Variants in MAST4 observed in about 807,000 individuals in gnomAD.
MAST4 encodes microtubule associated serine/threonine kinase family member 4, also known as microtubule-associated serine/threonine-protein kinase 4.
A neutral mutation model predicts 162.7 loss-of-function variants in MAST4; 89 were observed. That is an observed-to-expected ratio of 0.55 (90% CI 0.46 to 0.65). The LOEUF (loss-of-function observed/expected upper bound fraction) is 0.65, where lower values mean the gene tolerates loss of function less well. MAST4 is among the 30% of genes least tolerant of loss of function. The probability of loss-of-function intolerance (pLI) is 0.00; values close to 1 mark genes in which losing one functional copy is unlikely to be tolerated. For synonymous variants in MAST4, 1,479 were observed against 1,361.1 expected, an observed-to-expected ratio of 1.09 and a Z score of -1.91; for missense variants, 3,153 against 3,374.0, an observed-to-expected ratio of 0.93 and a Z score of 1.62.
intron 1 of MAST4, among the ~76,000 whole-genome samples, chr5:66,733,414 A>T (rs1041031758): frequency 6.6e-6 from 1 of 152,144 alleles, no homozygotes; most frequent in Non-Finnish European, 1.5e-5. Flanking sequence ...ACAGAAATTC[A>T]TCTTATAGAT....
intron 3 of MAST4, among the ~76,000 whole-genome samples, chr5:66,861,989 A>G (rs1760155098): frequency 6.6e-6 from 1 of 152,198 alleles, no homozygotes; most frequent in Non-Finnish European, 1.5e-5. Context: ...GAGAGTTCAG[A>G]TAAATGCTAT....
chr5:67,036,049 A>G (rs1462997579), intron 4 of MAST4, among the ~76,000 whole-genome samples: 1 of 152,048 alleles, frequency 6.6e-6, no homozygotes, highest in African/African-American at 2.4e-5. Flanking sequence ...ATGCTTCCCA[A>G]CATCCATTCC....
In MAST4 at chr5:67,166,734, G is replaced by A. The variant is rs1418769727; in HGVS notation, c.7555G>A (p.Asp2519Asn). 1.3e-6 allele frequency: 2 copies of A among 1,590,678 alleles called. No individual in the cohort carries two copies. The highest frequency in any genetic ancestry group is 1.1e-5 in the South Asian group (1 of 87,404). ...GGGCCGAACCCACATGACAAAGAGT[G>A]ACTCCCTGCCCTCCTTCCGGGTCTC... ...GEGRTHMTKS[D>N]SLPSFRVSTL... is the part of the protein sequence containing the mutation. The change falls in exon 29 of 29, where the codon GAC (aspartate) becomes AAC (asparagine). Residue 2519 changes from aspartate to asparagine, a missense_variant. Physicochemically the swap from Asp to Asn is conservative, Grantham distance 23. Around this residue, in one of 7 missense-constraint regions of MAST4, gnomAD observed 1,644 missense variants for 1,495.0 expected, o/e 1.10. Transcript: ENST00000403625.
chr5:66,889,499 A>AT (rs1195299126), intron 3 of MAST4, among the ~76,000 whole-genome samples: 1 of 152,110 alleles, frequency 6.6e-6, no homozygotes, highest in Non-Finnish European at 1.5e-5. Context: ...TGCTAAAGTA[A>AT]TTTTCTTACT....
intron 4 of MAST4, among the ~76,000 whole-genome samples, chr5:67,028,167 GAC>G (rs1561549467): frequency 9.9e-6 from 1 of 101,514 alleles, no homozygotes; most frequent in Non-Finnish European, 2.4e-5. Context: ...GCATCCAGGA[GAC>G]ACACAACAAA....
chr5:67,081,229 G>A (rs961240537), intron 5 of MAST4, among the ~76,000 whole-genome samples: 2 of 150,584 alleles, frequency 1.3e-5, no homozygotes, highest in Admixed American at 1.3e-4. Flanking sequence ...CATATAATTG[G>A]GTAAGAGTAG....
At chr5:66,762,653 C>A (rs1753906557) in intron 2 of MAST4, among the ~76,000 whole-genome samples, 1 of 152,228 alleles carries the variant, frequency 6.6e-6, no homozygotes, top group South Asian at 2.1e-4. Flanking sequence ...GTGATCTCAT[C>A]TTGGGACATA....
intron 4 of MAST4, among the ~76,000 whole-genome samples, chr5:66,911,068 T>A (rs889027861): frequency 2.0e-5 from 3 of 152,108 alleles, no homozygotes; most frequent in Admixed American, 6.5e-5. Flanking sequence ...TAATAAGTTG[T>A]TTTATGATGT....
intron 4 of MAST4, among the ~76,000 whole-genome samples, chr5:66,977,020 C>A (rs866881673): frequency 1.2e-3 from 186 of 152,268 alleles, no homozygotes; most frequent in African/African-American, 4.2e-3. Context: ...AGCGACAGAT[C>A]TCTGTGGCAT....
Position 67,138,231 on chromosome 5 carries a change from A to G in MAST4, c.2494+1567A>G, listed in dbSNP as rs189985323. Among the ~76,000 whole-genome samples, 9 of 152,342 alleles carry G rather than the reference A, an allele frequency of 5.9e-5. No homozygotes were observed. In the East Asian group the frequency reaches 1.7e-3, roughly 29 times the overall value. On this transcript the variant is annotated intron_variant, in intron 19 of 28. Coordinates refer to ENST00000403625, the MANE Select transcript of MAST4 (RefSeq NM_001164664.2). ...ATAAAAACAAATCATTCTAGGGAAG[A>G]GGAGGCATTCTGCTGGATGGCTTTT...
chr5:66,858,783 C>T (rs1227105962), intron 3 of MAST4, among the ~76,000 whole-genome samples: 2 of 152,044 alleles, frequency 1.3e-5, no homozygotes, highest in African/African-American at 2.4e-5. Flanking sequence ...GCCTTTCCTT[C>T]TATGTATATG....
intron 13 of MAST4, among the ~76,000 whole-genome samples, chr5:67,119,137 TG>T (rs1767273835): frequency 6.6e-6 from 1 of 152,142 alleles, no homozygotes; most frequent in African/African-American, 2.4e-5. Context: ...TCAGGTTTTT[TG>T]TTTTTGTTTT....
intron 2 of MAST4, among the ~76,000 whole-genome samples, chr5:66,776,260 G>T (rs1321887331): frequency 6.6e-6 from 1 of 152,128 alleles, no homozygotes; most frequent in Non-Finnish European, 1.5e-5. Flanking sequence ...TTAGATGTTG[G>T]ATGGTTGTCA....
rs1190517320 is a variant in MAST4 at position 67,088,327 on chromosome 5, T to G, written c.764-1835T>G. Among the ~76,000 whole-genome samples the G allele has an allele frequency of 2.0e-5, 3 of 152,208 alleles. No individual in the cohort carries two copies. The East Asian group carries it at 5.8e-4, about 29-fold the overall frequency. On this transcript the variant is annotated intron_variant, in intron 5 of 28. Coordinates refer to ENST00000403625, the MANE Select transcript of MAST4 (RefSeq NM_001164664.2). ...TTGAGTGAATAAGTGTAGCAGGGATTGTTCTTAGAATGTCTTGGCTTCAGA... is the reference window on the plus strand; with the variant it reads ...TTGAGTGAATAAGTGTAGCAGGGATGGTTCTTAGAATGTCTTGGCTTCAGA...
At chr5:67,035,671 A>G (rs1299045025) in intron 4 of MAST4, among the ~76,000 whole-genome samples, 1 of 152,078 alleles carries the variant, frequency 6.6e-6, no homozygotes, top group Non-Finnish European at 1.5e-5. Flanking sequence ...CGTAACTGGC[A>G]CTTACACAGT....
At chr5:66,614,996 G>T (rs1015300584) in intron 1 of MAST4, among the ~76,000 whole-genome samples, 2 of 152,140 alleles carry the variant, frequency 1.3e-5, no homozygotes, top group Non-Finnish European at 2.9e-5. Flanking sequence ...GGTATTTCAC[G>T]CAGGAACCAG....
rs547388508 is a variant in MAST4, at chr5:67,154,320, C to T, written c.3648+740C>T. Among the ~76,000 whole-genome samples the T allele has an allele frequency of 1.6e-4, 24 of 152,166 alleles. 1 individual carries two copies. In the South Asian group the frequency reaches 2.3e-3, roughly 14 times the overall value. ...TGTATTTTATGCAGAACAGCTCCTG[C>T]GACAGCATATCTCTAGATAGTATCA... On this transcript the variant is annotated intron_variant, in intron 26 of 28. Coordinates refer to ENST00000403625, the MANE Select transcript of MAST4 (RefSeq NM_001164664.2).
At chr5:66,740,980 A>G (rs1165222236) in intron 1 of MAST4, among the ~76,000 whole-genome samples, 1 of 152,208 alleles carries the variant, frequency 6.6e-6, no homozygotes. Flanking sequence ...AATGTTCTGA[A>G]AACACTTAAG....
At chr5:66,615,019 G>A (rs543379694) in intron 1 of MAST4, among the ~76,000 whole-genome samples, 36 of 152,298 alleles carry the variant, frequency 2.4e-4, no homozygotes, top group African/African-American at 7.9e-4. Context: ...CCCTTGTAAG[G>A]CCTTGCCTTG....
Sources: gnomAD v4.1 joint callset for allele counts (sites outside exome capture counted in the v4.1 genomes callset) on GRCh38, gnomAD v4.1.1 for gene constraint, gnomAD v4.1.1 regional missense constraint, MANE v1.5 for transcripts, NCBI Gene and HGNC (gene_info 2026-07-23, HGNC 2026-07-21) for gene names.